Variants in MRPS9 observed in about 807,000 individuals in gnomAD.
MRPS9 encodes small ribosomal subunit protein uS9m.
In MRPS9, 45 loss-of-function variants were observed where a neutral mutation model predicts 59.9. That is an observed-to-expected ratio of 0.75 (90% CI 0.59 to 0.96). MRPS9 has a LOEUF of 0.96. Among genes scored for constraint, MRPS9 ranks in the 40% least tolerant of loss-of-function variants. The pLI, the probability that MRPS9 is intolerant of heterozygous loss-of-function variation, is 0.00. For missense variants in MRPS9, 473 were observed against 481.1 expected (o/e 0.98, Z 0.16); for synonymous variants, 171 against 166.8 (o/e 1.03, Z -0.19).
At chr2:105,092,650 G>A in intron 8 of MRPS9, 81 bp downstream of exon 8, 1 of 1,178,594 alleles carries the variant, frequency 8.5e-7, no homozygotes, top group Non-Finnish European at 1.2e-6. Flanking sequence ...TTGCTTTCTG[G>A]TATCCATTAG....
At chr2:105,053,490 G>A (rs1679746926) in intron 2 of MRPS9, among the ~76,000 whole-genome samples, 4 of 152,016 alleles carry the variant, frequency 2.6e-5, no homozygotes, top group Admixed American at 2.6e-4. Context: ...TTGCATTTGA[G>A]CAAAACATTT....
intron 1 of MRPS9, among the ~76,000 whole-genome samples, chr2:105,048,511 TA>T (rs1176938674): frequency 2.6e-5 from 4 of 151,458 alleles, no homozygotes; most frequent in African/African-American, 9.7e-5. Context: ...ATAATAATTT[TA>T]AAAAAAAGAA....
intron 2 of MRPS9, among the ~76,000 whole-genome samples, chr2:105,059,613 TTAAA>T (rs943361684): frequency 2.6e-5 from 4 of 152,120 alleles, no homozygotes; most frequent in African/African-American, 9.7e-5. Context: ...ATTTCTTAGT[TTAAA>T]TAATAATTTT....
chr2:105,041,177 A>T (rs1257698625), intron 1 of MRPS9, among the ~76,000 whole-genome samples: 1 of 152,204 alleles, frequency 6.6e-6, no homozygotes, highest in African/African-American at 2.4e-5. Context: ...GTTTCCTTCC[A>T]TGCTGTACTA....
chr2:105,071,021 C>A (rs1371335370), intron 2 of MRPS9, among the ~76,000 whole-genome samples: 3 of 152,232 alleles, frequency 2.0e-5, no homozygotes, highest in Non-Finnish European at 4.4e-5. Context: ...AGAATCCAGA[C>A]AGGAGCATCT....
chr2:105,082,410 C>T (rs535435781), intron 5 of MRPS9, among the ~76,000 whole-genome samples: 3 of 152,074 alleles, frequency 2.0e-5, no homozygotes, highest in African/African-American at 4.8e-5. Context: ...CTTCTGATGC[C>T]GATTAACCTT....
chr2:105,084,803 G>A (rs1680416405), intron 5 of MRPS9, among the ~76,000 whole-genome samples: 1 of 151,896 alleles, frequency 6.6e-6, no homozygotes, highest in Admixed American at 6.6e-5. Context: ...TGTTATAGAG[G>A]TGTCTTTAAT....
At chr2:105,084,403 G>C (rs1328422691) in intron 5 of MRPS9, among the ~76,000 whole-genome samples, 1 of 152,086 alleles carries the variant, frequency 6.6e-6, no homozygotes, top group Non-Finnish European at 1.5e-5. Context: ...AGAATCTCCA[G>C]TTCATTTTAA....
chr2:105,082,951 TAAG>T (rs1232305336), intron 5 of MRPS9, among the ~76,000 whole-genome samples: 1 of 152,196 alleles, frequency 6.6e-6, no homozygotes, highest in African/African-American at 2.4e-5. Flanking sequence ...GTAATTTAAA[TAAG>T]AAGAAATAAG....
chr2:105,061,498 G>GTGCTA (rs1381735923), intron 2 of MRPS9, among the ~76,000 whole-genome samples: 6 of 152,206 alleles, frequency 3.9e-5, no homozygotes, highest in African/African-American at 1.4e-4. Flanking sequence ...CAGCAAGACA[G>GTGCTA]TGCTAGTAAG....
intron 5 of MRPS9, among the ~76,000 whole-genome samples, chr2:105,081,743 A>T (rs1361594188): frequency 4.6e-5 from 7 of 152,218 alleles, no homozygotes; most frequent in Non-Finnish European, 1.0e-4. Flanking sequence ...ATTAATAAAC[A>T]TTCTTTGTTT....
At chr2:105,068,777 T>C (rs1472845300) in intron 2 of MRPS9, among the ~76,000 whole-genome samples, 1 of 152,258 alleles carries the variant, frequency 6.6e-6, no homozygotes, top group Non-Finnish European at 1.5e-5. Context: ...TATCTTGGCT[T>C]TTCTGTCTGT....
At chr2:105,042,755 A>G (rs17030555) in intron 1 of MRPS9, among the ~76,000 whole-genome samples, 14,622 of 152,222 alleles carry the variant, frequency 0.096, 872 homozygotes, top group East Asian at 0.27. Flanking sequence ...CTTCTTTACA[A>G]TTATTTCTGT....
intron 2 of MRPS9, among the ~76,000 whole-genome samples, chr2:105,053,560 C>T (rs1679747968): frequency 6.9e-6 from 1 of 143,894 alleles, no homozygotes; most frequent in Non-Finnish European, 1.6e-5. Context: ...ACAACAGATA[C>T]AAACTGGTGA....
At chr2:105,080,227 A>G (rs1213477335) in intron 5 of MRPS9, among the ~76,000 whole-genome samples, 165 bp downstream of exon 5, 1 of 152,168 alleles carries the variant, frequency 6.6e-6, no homozygotes, top group Non-Finnish European at 1.5e-5. Flanking sequence ...ATAGTAATTC[A>G]TTTTTGCTAA....
chr2:105,050,127 T>C (rs1277076458), intron 2 of MRPS9, among the ~76,000 whole-genome samples: 1 of 150,238 alleles, frequency 6.7e-6, no homozygotes, highest in Admixed American at 6.8e-5. Flanking sequence ...ACCAGAAGGA[T>C]TTTTTTCTTT....
intron 5 of MRPS9, among the ~76,000 whole-genome samples, 196 bp downstream of exon 5, chr2:105,080,258 A>T (rs750636596): frequency 6.6e-6 from 1 of 152,210 alleles, no homozygotes; most frequent in Non-Finnish European, 1.5e-5. Context: ...TATAGAGTTT[A>T]TATCAGAATG....
At chr2:105,095,643 A>G (rs1384433558) in intron 9 of MRPS9, among the ~76,000 whole-genome samples, 1 of 150,734 alleles carries the variant, frequency 6.6e-6, no homozygotes, top group Admixed American at 6.6e-5. Flanking sequence ...GATTACAGGC[A>G]TGCACCACCA....
chr2:105,074,484 C>G (rs1573436333), intron 4 of MRPS9, among the ~76,000 whole-genome samples: 1 of 152,148 alleles, frequency 6.6e-6, no homozygotes, highest in South Asian at 2.1e-4. Flanking sequence ...AAAAATCTCT[C>G]AAGTAAGAAT....
Sources: allele counts gnomAD v4.1 joint callset (sites outside exome capture counted in the v4.1 genomes callset), GRCh38; gene constraint gnomAD v4.1.1; transcripts MANE v1.5; gene names NCBI Gene and HGNC (gene_info 2026-07-23, HGNC 2026-07-21).